Variants in RAG1 observed in about 807,000 individuals in gnomAD.
RAG1 encodes V(D)J recombination-activating protein 1.
Under a neutral mutation model 62.7 loss-of-function variants are expected in RAG1, and 35 were observed. The ratio of observed to expected loss-of-function variants is 0.56; its 90% CI spans 0.43 to 0.74. The LOEUF is 0.74. Among genes scored for constraint, RAG1 ranks in the 30% least tolerant of loss-of-function variants. The pLI is 0.00. For missense variants in RAG1, 1,169 were observed against 1,278.6 expected, an observed-to-expected ratio of 0.91 and a Z score of 1.31; for synonymous variants, 461 against 470.3, an observed-to-expected ratio of 0.98 and a Z score of 0.26.
chr11:36,516,485 A>C (rs1415930491), intron 1 of RAG1, among the ~76,000 whole-genome samples: 3 of 152,130 alleles, frequency 2.0e-5, no homozygotes, highest in Non-Finnish European at 4.4e-5. Flanking sequence ...CCACGCCTGG[A>C]GAATTTTTTT....
chr11:36,576,453 T>C lies in RAG1; in HGVS notation c.*17T>C. 2.5e-6 allele frequency: 4 copies of C among 1,613,422 alleles called. No homozygotes were observed. Among genetic ancestry groups the C allele is most frequent in the South Asian group, 1.1e-5 (1 of 91,072 alleles). On this transcript the variant is annotated 3_prime_UTR_variant, in exon 2 of 2. Coordinates refer to ENST00000299440, the MANE Select transcript of RAG1 (RefSeq NM_000448.3). The stretch of plus-strand genomic sequence containing the variant: ...GAATTTTAAGTAGGGCAACCACTTA[T>C]GAGTTGGTTTTTGCAATTGAGTTTC...
In RAG1 at chr11:36,574,805, C is replaced by T. The variant is rs769349662; in HGVS notation, c.1501C>T (p.Gln501Ter). ...AGCCATCACAGGGAGACAGATTTTT[C>T]AGCCTTTGCATGCCCTTCGGAATGC... ...VKAITGRQIF[Q>*]PLHALRNAEK... Residue 501 changes from glutamine to a stop codon, truncating the protein, a stop_gained, in exon 2 of 2, where the codon CAG (glutamine) becomes TAG (stop). Transcript: ENST00000299440. LOFTEE classifies it high-confidence loss of function. The T allele has an allele frequency of 1.9e-6, 3 of 1,614,100 alleles. No individual in the cohort carries two copies. Among genetic ancestry groups the T allele is most frequent in the Non-Finnish European group, 2.5e-6 (3 of 1,180,054 alleles).
chr11:36,546,962 C>T (rs1231403402), intron 3 of RAG1, among the ~76,000 whole-genome samples: 3 of 151,892 alleles, frequency 2.0e-5, no homozygotes, highest in Non-Finnish European at 2.9e-5. Context: ...GTGGGTAATC[C>T]GACCTCTATC....
chr11:36,549,544 G>T (rs1850451186), intron 3 of RAG1, among the ~76,000 whole-genome samples: 1 of 152,192 alleles, frequency 6.6e-6, no homozygotes, highest in Admixed American at 6.5e-5. Flanking sequence ...TTAGAGAAAT[G>T]CAAATGAAAA....
upstream of RAG1, chr11:36,567,941 C>T (rs976862753): frequency 1.3e-5 from 2 of 152,286 alleles, no homozygotes; most frequent in South Asian, 2.1e-4. Context: ...TGTGGTTAGC[C>T]CTCCATGGTG....
chr11:36,558,841 C>T lies in RAG1; in HGVS notation c.-411-4544C>T, dbSNP rs147585099. Reference sequence around the variant, plus strand: ...CTGGTTGTTTTGCATTTCTCTTCCTCGTTTCTTTATCTCTTACTGTTTATC... The same window carrying T: ...CTGGTTGTTTTGCATTTCTCTTCCTTGTTTCTTTATCTCTTACTGTTTATC... On this transcript the variant is annotated intron_variant and NMD_transcript_variant, in intron 3 of 9. Transcript: ENST00000534663. Among the ~76,000 whole-genome samples, 459 of 152,184 alleles carry T rather than the reference C, an allele frequency of 3.0e-3. 5 individuals are homozygous for T. The highest frequency in any genetic ancestry group is 0.01 in the African/African-American group (432 of 41,548).
intron 1 of RAG1, among the ~76,000 whole-genome samples, chr11:36,569,059 G>C (rs143081800): frequency 6.6e-6 from 1 of 152,294 alleles, no homozygotes; most frequent in African/African-American, 2.4e-5. Context: ...AAGATGTTAG[G>C]AGGGAAGATT....
At chr11:36,516,864 C>G (rs574971889) in intron 1 of RAG1, among the ~76,000 whole-genome samples, 2 of 152,320 alleles carry the variant, frequency 1.3e-5, no homozygotes, top group Admixed American at 6.5e-5. Flanking sequence ...TTGCTACTTA[C>G]TGCTGGAATT....
intron 3 of RAG1, among the ~76,000 whole-genome samples, chr11:36,549,852 C>A (rs1366944305): frequency 6.6e-6 from 1 of 152,180 alleles, no homozygotes; most frequent in African/African-American, 2.4e-5. Context: ...ATAGCAAAGA[C>A]TTGGAACCAA....
At chr11:36,526,799 T>C (rs926659441) in intron 2 of RAG1, among the ~76,000 whole-genome samples, 2 of 152,228 alleles carry the variant, frequency 1.3e-5, no homozygotes, top group Non-Finnish European at 2.9e-5. Context: ...TGGTATCTCA[T>C]TGTGGTTTTG....
chr11:36,547,224 G>A (rs779509371), intron 3 of RAG1, among the ~76,000 whole-genome samples: 4 of 151,990 alleles, frequency 2.6e-5, no homozygotes, highest in Non-Finnish European at 5.9e-5. Context: ...AAGAACTAGA[G>A]AAGCAAGAAC....
chr11:36,548,591 A>C (rs1009587759), intron 3 of RAG1, among the ~76,000 whole-genome samples: 7 of 152,180 alleles, frequency 4.6e-5, no homozygotes, highest in African/African-American at 1.7e-4. Flanking sequence ...CTTCAAGGAG[A>C]ACTACAAACC....
At chr11:36,539,148 G>A (rs543818927), downstream of RAG1, among the ~76,000 whole-genome samples, 5 of 152,204 alleles carry the variant, frequency 3.3e-5, no homozygotes, top group East Asian at 5.8e-4. Context: ...GATTAAAGGC[G>A]GTCATAAGGG....
chr11:36,563,970 A>G (rs1036025332), upstream of RAG1, among the ~76,000 whole-genome samples: 1 of 152,228 alleles, frequency 6.6e-6, no homozygotes, highest in Non-Finnish European at 1.5e-5. Flanking sequence ...CTCCTATGTC[A>G]ATGTTTGAAC....
At chr11:36,518,010 C>G (rs911178055) in intron 1 of RAG1, among the ~76,000 whole-genome samples, 1 of 124,640 alleles carries the variant, frequency 8.0e-6, no homozygotes, top group South Asian at 2.8e-4. Flanking sequence ...CACAACAGTT[C>G]CCGGTGTGTG....
At chr11:36,525,593 T>C (rs780410894) in intron 2 of RAG1, among the ~76,000 whole-genome samples, 1 of 152,178 alleles carries the variant, frequency 6.6e-6, no homozygotes. Context: ...GTTTTCAGAA[T>C]GCAAATCCTT....
chr11:36,548,808 T>C, intron 3 of RAG1, among the ~76,000 whole-genome samples: 1 of 152,204 alleles, frequency 6.6e-6, no homozygotes, highest in East Asian at 1.9e-4. Flanking sequence ...AGAGCCCATA[T>C]GGTCAAGACA....
Position 36,574,823 on chromosome 11 carries a change from C to A in RAG1, c.1519C>A (p.Arg507=). 6.2e-7 allele frequency: 1 copy of A among 1,614,246 alleles called. No homozygotes were observed. Among genetic ancestry groups the A allele is most frequent in the Non-Finnish European group, 8.5e-7 (1 of 1,180,052 alleles). ...GATTTTTCAGCCTTTGCATGCCCTT[C>A]GGAATGCTGAGAAGGTACTTCTGCC... ...RQIFQPLHAL[R]NAEKVLLPGY... is the part of the protein sequence containing the mutation. Residue 507 remains arginine, a synonymous_variant, in exon 2 of 2, where the codon CGG becomes AGG. Coordinates refer to ENST00000299440, the MANE Select transcript of RAG1 (RefSeq NM_000448.3).
At chr11:36,523,478 G>T (rs1022328128) in intron 2 of RAG1, among the ~76,000 whole-genome samples, 2 of 152,144 alleles carry the variant, frequency 1.3e-5, no homozygotes, top group African/African-American at 4.8e-5. Flanking sequence ...TTCATAAATT[G>T]CCCAGTCTTG....
Sources: gnomAD v4.1 joint callset for allele counts (sites outside exome capture counted in the v4.1 genomes callset) on GRCh38, gnomAD v4.1.1 for gene constraint, MANE v1.5 for transcripts, NCBI Gene and HGNC (gene_info 2026-07-23, HGNC 2026-07-21) for gene names.